Variants in SLC2A12 observed in about 807,000 individuals in gnomAD.
SLC2A12 encodes solute carrier family 2 member 12.
SLC2A12 carries 23 observed loss-of-function variants against 41.8 expected under a neutral mutation model. The ratio of observed to expected loss-of-function variants is 0.55; its 90% CI spans 0.40 to 0.78. SLC2A12 has a LOEUF of 0.78. Ranked by LOEUF, SLC2A12 falls within the 30% of genes least tolerant of loss-of-function variation. SLC2A12 has a pLI of 0.00. For synonymous variants in SLC2A12, 295 were observed against 285.9 expected (o/e 1.03, Z -0.32); for missense variants, 654 against 745.6 (o/e 0.88, Z 1.43).
At chr6:134,013,730 T>C (rs1030820100) in intron 2 of SLC2A12, among the ~76,000 whole-genome samples, 11 of 152,232 alleles carry the variant, frequency 7.2e-5, no homozygotes, top group Non-Finnish European at 1.3e-4. Context: ...GATTAGATTA[T>C]CCTTTATTTT....
chr6:134,042,122 T>C (rs777471265), intron 1 of SLC2A12, among the ~76,000 whole-genome samples: 6 of 152,270 alleles, frequency 3.9e-5, no homozygotes, highest in Non-Finnish European at 8.8e-5. Flanking sequence ...TCTCTCACTC[T>C]ATATTTTCTA....
intron 4 of SLC2A12, 93 bp downstream of exon 4, chr6:134,001,904 C>A: frequency 7.5e-7 from 1 of 1,331,196 alleles, no homozygotes; most frequent in Admixed American, 2.5e-5. Flanking sequence ...CTAATAATAT[C>A]TAATAATTTC....
chr6:134,046,648 T>A (rs986579815), intron 1 of SLC2A12, among the ~76,000 whole-genome samples: 2 of 151,686 alleles, frequency 1.3e-5, no homozygotes, highest in African/African-American at 4.9e-5. Flanking sequence ...AAAAAAAATA[T>A]ATATATACAA....
At chr6:134,025,206 T>G (rs915746922) in intron 2 of SLC2A12, among the ~76,000 whole-genome samples, 1 of 152,176 alleles carries the variant, frequency 6.6e-6, no homozygotes, top group African/African-American at 2.4e-5. Flanking sequence ...TAAAAATAAT[T>G]AACATTTACC....
intron 1 of SLC2A12, among the ~76,000 whole-genome samples, chr6:134,037,144 A>AT (rs533155835): frequency 0.012 from 1,039 of 83,334 alleles, 49 homozygotes; most frequent in East Asian, 0.039. Context: ...ACTCGATTCA[A>AT]TTTTTTTTTT....
At chr6:134,028,015 C>T (rs553305474) in intron 2 of SLC2A12, among the ~76,000 whole-genome samples, 4 of 152,234 alleles carry the variant, frequency 2.6e-5, no homozygotes, top group African/African-American at 9.6e-5. Flanking sequence ...TTTCCTTCTA[C>T]ATAGGAAGAA....
intron 1 of SLC2A12, among the ~76,000 whole-genome samples, chr6:134,031,460 A>G (rs796537803): frequency 1.3e-4 from 20 of 152,220 alleles, no homozygotes; most frequent in African/African-American, 4.8e-4. Flanking sequence ...AGAATTGGAG[A>G]TGGGGGATAA....
chr6:134,018,309 C>T (rs2114454859), intron 2 of SLC2A12, among the ~76,000 whole-genome samples: 1 of 152,268 alleles, frequency 6.6e-6, no homozygotes, highest in South Asian at 2.1e-4. Flanking sequence ...CTTCATTTAA[C>T]TCGACAGGCC....
chr6:134,046,390 C>T (rs1021843454), intron 1 of SLC2A12, among the ~76,000 whole-genome samples: 1 of 151,988 alleles, frequency 6.6e-6, no homozygotes, highest in Non-Finnish European at 1.5e-5. Flanking sequence ...CATTTTTCTC[C>T]GTGGAATTTT....
intron 2 of SLC2A12, among the ~76,000 whole-genome samples, chr6:134,012,186 G>T (rs898673146): frequency 8.5e-5 from 13 of 152,076 alleles, no homozygotes; most frequent in African/African-American, 3.1e-4. Flanking sequence ...TTTTGTAAAA[G>T]AAATACTTTT....
rs201431890 is a variant in SLC2A12 at position 133,990,777 on chromosome 6, CT to C, written c.*377del. 4.3e-4 allele frequency: 68 copies of C among 159,104 alleles called. No homozygotes were observed. In the East Asian group the frequency reaches 0.011, roughly 25 times the overall value. 9.9% of individuals were successfully genotyped at this position (159,104 alleles called of 1,614,324 possible). On this transcript the variant is annotated 3_prime_UTR_variant, in exon 5 of 5. Transcript: ENST00000275230. ...CCTCATGTCCAGACCACTTGTGTGT[CT>C]GCATAATAAAGCTGCGACTGGCCTC...
At chr6:133,998,760 C>T (rs1024751185) in intron 4 of SLC2A12, among the ~76,000 whole-genome samples, 3 of 152,318 alleles carry the variant, frequency 2.0e-5, no homozygotes, top group South Asian at 4.1e-4. Context: ...AGGCTGGTCT[C>T]AAACTCCTGG....
At chr6:134,015,396 C>G (rs777969362) in intron 2 of SLC2A12, among the ~76,000 whole-genome samples, 1 of 152,088 alleles carries the variant, frequency 6.6e-6, no homozygotes, top group Non-Finnish European at 1.5e-5. Context: ...TTGATCTGTG[C>G]AGCAAACGAC....
intron 1 of SLC2A12, among the ~76,000 whole-genome samples, chr6:134,042,483 T>C (rs1582626786): frequency 6.8e-6 from 1 of 147,724 alleles, no homozygotes; most frequent in African/African-American, 2.5e-5. Flanking sequence ...GGGATTTTGA[T>C]GAGAAAGAGA....
intron 3 of SLC2A12, 135 bp from the exon 4 acceptor site, chr6:134,002,264 C>A (rs1776762685): frequency 1.0e-6 from 1 of 990,200 alleles, no homozygotes; most frequent in South Asian, 1.7e-5. Flanking sequence ...AAATAGAAAT[C>A]ACAAATTTAA....
At chr6:134,037,144 ATTTTTTTTTTTT>A (rs533155835) in intron 1 of SLC2A12, among the ~76,000 whole-genome samples, 1 of 83,310 alleles carries the variant, frequency 1.2e-5, no homozygotes, top group African/African-American at 5.6e-5. Context: ...ACTCGATTCA[ATTTTTTTTTTTT>A]TTTTTTTTTT....
chr6:133,996,496 T>C (rs1044102169), intron 4 of SLC2A12, among the ~76,000 whole-genome samples: 1 of 152,214 alleles, frequency 6.6e-6, no homozygotes, highest in Non-Finnish European at 1.5e-5. Flanking sequence ...GAATATTCGT[T>C]TTTTCAGCTT....
chr6:134,051,125 T>C (rs188559568), intron 1 of SLC2A12, among the ~76,000 whole-genome samples: 1 of 152,188 alleles, frequency 6.6e-6, no homozygotes, highest in East Asian at 1.9e-4. Context: ...GGGTTTCCGC[T>C]CTGTTGGCCA....
intron 1 of SLC2A12, among the ~76,000 whole-genome samples, chr6:134,031,972 G>A (rs1410282108): frequency 2.6e-5 from 4 of 152,170 alleles, no homozygotes; most frequent in African/African-American, 9.7e-5. Context: ...AGGAGATGGA[G>A]AAGAATCAGA....
Sources: gnomAD v4.1 joint callset for allele counts (sites outside exome capture counted in the v4.1 genomes callset) on GRCh38, gnomAD v4.1.1 for gene constraint, MANE v1.5 for transcripts, NCBI Gene and HGNC (gene_info 2026-07-23, HGNC 2026-07-21) for gene names.